Variants in MAGI2 observed in about 807,000 individuals in gnomAD.
MAGI2 encodes membrane associated guanylate kinase, WW and PDZ domain containing 2.
MAGI2 carries 35 observed loss-of-function variants against 133.3 expected under a neutral mutation model. The observed-to-expected ratio is 0.26, with a 90% confidence interval of 0.20 to 0.35. The LOEUF (loss-of-function observed/expected upper bound fraction) is 0.35. MAGI2 is among the 10% of genes least tolerant of loss of function. The probability of loss-of-function intolerance (pLI) is 1.00; values close to 1 mark genes in which losing one functional copy is unlikely to be tolerated. For missense variants in MAGI2, 1,636 were observed against 1,863.4 expected (o/e 0.88, Z 2.25); for synonymous variants, 729 against 710.6 (o/e 1.03, Z -0.41).
intron 1 of MAGI2, among the ~76,000 whole-genome samples, chr7:79,169,489 A>G (rs890921521): frequency 6.6e-6 from 1 of 152,102 alleles, no homozygotes; most frequent in African/African-American, 2.4e-5. Flanking sequence ...ATTTGTATCA[A>G]CACAGAAGAT....
intron 1 of MAGI2, among the ~76,000 whole-genome samples, chr7:79,042,390 T>C (rs989684914): frequency 6.6e-6 from 1 of 152,222 alleles, no homozygotes; most frequent in African/African-American, 2.4e-5. Context: ...TTGATTTTTC[T>C]CTATCCCTTT....
intron 1 of MAGI2, among the ~76,000 whole-genome samples, chr7:79,019,939 T>C (rs1182261356): frequency 6.6e-6 from 1 of 152,084 alleles, no homozygotes; most frequent in Non-Finnish European, 1.5e-5. Flanking sequence ...TACCAAAAAA[T>C]GTGGAAGCAA....
chr7:78,678,425 T>G (rs1227471444), intron 2 of MAGI2, among the ~76,000 whole-genome samples: 3 of 152,136 alleles, frequency 2.0e-5, no homozygotes, highest in African/African-American at 7.2e-5. Flanking sequence ...CATGTATAAC[T>G]CATTTGGAGA....
At chr7:78,368,910 A>T (rs1422141870) in intron 7 of MAGI2, among the ~76,000 whole-genome samples, 1 of 152,148 alleles carries the variant, frequency 6.6e-6, no homozygotes, top group African/African-American at 2.4e-5. Context: ...ACTCATTTAG[A>T]GGACAGTGTG....
intron 1 of MAGI2, among the ~76,000 whole-genome samples, chr7:79,386,644 C>T (rs1379311227): frequency 1.3e-5 from 2 of 152,044 alleles, no homozygotes; most frequent in African/African-American, 4.8e-5. Flanking sequence ...TTAATCTCCT[C>T]TCATGCTTAG....
chr7:78,290,693 T>A (rs185640824), intron 9 of MAGI2, among the ~76,000 whole-genome samples: 1 of 152,186 alleles, frequency 6.6e-6, no homozygotes, highest in Non-Finnish European at 1.5e-5. Context: ...ACCACACACT[T>A]GGAAGTAAAG....
intron 3 of MAGI2, among the ~76,000 whole-genome samples, chr7:78,553,765 A>G (rs1799559919): frequency 6.6e-6 from 1 of 152,224 alleles, no homozygotes; most frequent in African/African-American, 2.4e-5. Flanking sequence ...ACAGTTACCA[A>G]GTGGCAGGGA....
intron 11 of MAGI2, among the ~76,000 whole-genome samples, chr7:78,200,784 G>T (rs1563252300): frequency 6.6e-6 from 1 of 152,028 alleles, no homozygotes; most frequent in African/African-American, 2.4e-5. Context: ...GATTTAATTT[G>T]CAGGTCAAGA....
At chr7:78,861,045 TG>T (rs1174215823) in intron 2 of MAGI2, among the ~76,000 whole-genome samples, 1 of 152,194 alleles carries the variant, frequency 6.6e-6, no homozygotes, top group African/African-American at 2.4e-5. Flanking sequence ...CTCCAAGCCA[TG>T]CATGGGATAT....
intron 21 of MAGI2, among the ~76,000 whole-genome samples, chr7:78,075,538 G>T (rs921226778): frequency 6.6e-6 from 1 of 151,754 alleles, no homozygotes. Context: ...CACCACACCC[G>T]GCTAATTTTT....
At chr7:78,508,288 T>G (rs564045253) in intron 4 of MAGI2, among the ~76,000 whole-genome samples, 1 of 152,206 alleles carries the variant, frequency 6.6e-6, no homozygotes, top group East Asian at 1.9e-4. Flanking sequence ...GGGGGCACAA[T>G]TCAACTCATA....
chr7:78,925,813 C>T (rs1248766299), intron 2 of MAGI2, among the ~76,000 whole-genome samples: 1 of 151,812 alleles, frequency 6.6e-6, no homozygotes, highest in Admixed American at 6.6e-5. Flanking sequence ...AATAATGCAT[C>T]AGTTTTAATT....
chr7:79,240,358 GA>G (rs762841388), intron 1 of MAGI2, among the ~76,000 whole-genome samples: 4,021 of 88,326 alleles, frequency 0.046, 120 homozygotes, highest in African/African-American at 0.11. Context: ...TTATCAGAAT[GA>G]AAAAAAAAAA....
At chr7:79,283,689 G>A (rs552348627) in intron 1 of MAGI2, among the ~76,000 whole-genome samples, 4 of 152,184 alleles carry the variant, frequency 2.6e-5, no homozygotes, top group Admixed American at 2.6e-4. Flanking sequence ...TATACATAAA[G>A]AAAGGTTTTG....
At chr7:79,335,835 C>A (rs1840402071) in intron 1 of MAGI2, among the ~76,000 whole-genome samples, 1 of 151,966 alleles carries the variant, frequency 6.6e-6, no homozygotes, top group Non-Finnish European at 1.5e-5. Flanking sequence ...ATATATATCT[C>A]CTTGGTCTAC....
intron 1 of MAGI2, among the ~76,000 whole-genome samples, chr7:79,102,791 G>A (rs536086381): frequency 2.0e-5 from 3 of 152,152 alleles, no homozygotes; most frequent in East Asian, 1.9e-4. Flanking sequence ...TTGATGTGTC[G>A]GCTTGGCTAG....
intron 1 of MAGI2, among the ~76,000 whole-genome samples, chr7:79,028,650 C>T (rs1810266325): frequency 6.6e-6 from 1 of 152,012 alleles, no homozygotes; most frequent in Non-Finnish European, 1.5e-5. Context: ...TAATTTTTAT[C>T]TTTAAAACTC....
At chr7:78,452,555 A>G (rs1788840014) in intron 6 of MAGI2, among the ~76,000 whole-genome samples, 1 of 152,010 alleles carries the variant, frequency 6.6e-6, no homozygotes, top group Non-Finnish European at 1.5e-5. Context: ...AAGTATAAAA[A>G]TGTACCTTTT....
rs555981002 is a variant in MAGI2, at chr7:79,445,671, C to A, written c.301+7349G>T. Among the ~76,000 whole-genome samples the A allele has an allele frequency of 1.2e-4, 19 of 152,190 alleles. 1 individual carries two copies. In the South Asian group the frequency reaches 3.5e-3, roughly 28 times the overall value. Reference sequence around the variant, plus strand: ...CATTAAAAAGTCAGGAAACAACAGGCGCTGGAGAGGATGTGGAGAAACAGG... The same window carrying A: ...CATTAAAAAGTCAGGAAACAACAGGAGCTGGAGAGGATGTGGAGAAACAGG... On this transcript the variant is annotated intron_variant, in intron 1 of 21. Transcript: ENST00000354212.
Sources: allele counts gnomAD v4.1 joint callset (sites outside exome capture counted in the v4.1 genomes callset), GRCh38; gene constraint gnomAD v4.1.1; transcripts MANE v1.5; gene names NCBI Gene and HGNC (gene_info 2026-07-23, HGNC 2026-07-21).